The following RANBP2 variants were observed in gnomAD, a reference collection of about 807,000 sequenced individuals.
The protein encoded by RANBP2 is RAN binding protein 2.
In RANBP2, 57 loss-of-function variants were observed where a neutral mutation model predicts 303.6. The observed-to-expected ratio is 0.19, with a 90% CI of 0.15 to 0.23. RANBP2 has a LOEUF of 0.23. Among genes scored for constraint, RANBP2 ranks in the 10% least tolerant of loss-of-function variants. The pLI is 1.00. For synonymous variants in RANBP2, 1,167 were observed against 1,301.5 expected, an observed-to-expected ratio of 0.90 and a Z score of 2.23; for missense variants, 3,138 against 3,780.8, an observed-to-expected ratio of 0.83 and a Z score of 4.46.
the RANBP2 span, among the ~76,000 whole-genome samples, chr2:108,953,955 A>C: frequency 6.6e-6 from 1 of 152,224 alleles, no homozygotes; most frequent in Non-Finnish European, 1.5e-5. Context: ...ACTAAAGATT[A>C]CCAAGATCCT....
chr2:109,623,117 A>C, the RANBP2 span, among the ~76,000 whole-genome samples: 1 of 152,116 alleles, frequency 6.6e-6, no homozygotes, highest in Non-Finnish European at 1.5e-5. Flanking sequence ...ACAGAGTGAA[A>C]CTCTGTCTCA....
the RANBP2 span, among the ~76,000 whole-genome samples, chr2:109,455,053 A>G: frequency 6.6e-6 from 1 of 152,208 alleles, no homozygotes; most frequent in Non-Finnish European, 1.5e-5. Flanking sequence ...GATGTTCCTG[A>G]GGCTCAGAGA....
chr2:109,492,408 G>A, the RANBP2 span, among the ~76,000 whole-genome samples: 3 of 152,142 alleles, frequency 2.0e-5, no homozygotes, highest in African/African-American at 7.2e-5. Flanking sequence ...CTGCTAACCA[G>A]TGAGAACGGA....
At chr2:109,762,370 A>G in the RANBP2 span, among the ~76,000 whole-genome samples, 1 of 150,390 alleles carries the variant, frequency 6.6e-6, no homozygotes, top group African/African-American at 2.4e-5. Flanking sequence ...ATAGCTTTCC[A>G]GATAGCAACT....
At chr2:108,911,042 G>A in the RANBP2 span, 10 of 1,614,080 alleles carry the variant, frequency 6.2e-6, no homozygotes, top group East Asian at 2.0e-4. Flanking sequence ...AATGATCAGG[G>A]CAGTGGCCAG....
the RANBP2 span, among the ~76,000 whole-genome samples, chr2:109,540,662 GA>G: frequency 0.017 from 2,293 of 137,116 alleles, 43 homozygotes; most frequent in African/African-American, 0.046. Context: ...ACCAAAAAAG[GA>G]AAAAAAAAAA....
the RANBP2 span, among the ~76,000 whole-genome samples, chr2:108,956,190 A>G: frequency 6.7e-4 from 102 of 152,306 alleles, 1 homozygote; most frequent in Non-Finnish European, 1.2e-3. Context: ...AAATCAACCA[A>G]TCCCCTAATA....
At chr2:108,893,377 C>G in the RANBP2 span, among the ~76,000 whole-genome samples, 1 of 152,076 alleles carries the variant, frequency 6.6e-6, no homozygotes, top group African/African-American at 2.4e-5. Context: ...TCCAAACTTC[C>G]CATTTGTTCA....
chr2:109,318,168 C>T, the RANBP2 span, among the ~76,000 whole-genome samples: 1 of 151,666 alleles, frequency 6.6e-6, no homozygotes, highest in African/African-American at 2.4e-5. Flanking sequence ...AAATCCTTGC[C>T]TAATTTCAGA....
At chr2:108,762,788 A>G (rs531161203) in intron 19 of RANBP2, among the ~76,000 whole-genome samples, 10 of 149,188 alleles carry the variant, frequency 6.7e-5, no homozygotes, top group Non-Finnish European at 1.2e-4. Context: ...TAAATGCTCA[A>G]TAAATGTTAC....
chr2:109,496,008 C>G, the RANBP2 span, among the ~76,000 whole-genome samples: 1 of 152,194 alleles, frequency 6.6e-6, no homozygotes, highest in Non-Finnish European at 1.5e-5. Context: ...CAGACCTTCG[C>G]GGTGAAGAGC....
At chr2:109,351,731 A>G in the RANBP2 span, among the ~76,000 whole-genome samples, 4 of 152,180 alleles carry the variant, frequency 2.6e-5, no homozygotes, top group Non-Finnish European at 4.4e-5. Flanking sequence ...GGCTTGCCAT[A>G]TCAGCCCTAA....
At chr2:108,856,049 G>T in the RANBP2 span, among the ~76,000 whole-genome samples, 1 of 152,156 alleles carries the variant, frequency 6.6e-6, no homozygotes, top group Non-Finnish European at 1.5e-5. Flanking sequence ...TAGGGACTTG[G>T]GTTGTGTAGT....
the RANBP2 span, among the ~76,000 whole-genome samples, chr2:108,826,414 A>T: frequency 1.3e-5 from 2 of 152,074 alleles, no homozygotes; most frequent in African/African-American, 4.8e-5. Flanking sequence ...CCTTTGATGC[A>T]TTTTGAGTTA....
At chr2:109,573,862 T>A in the RANBP2 span, among the ~76,000 whole-genome samples, 2 of 152,216 alleles carry the variant, frequency 1.3e-5, no homozygotes, top group Non-Finnish European at 2.9e-5. Flanking sequence ...AAATAGGTTT[T>A]CTCAGTATGG....
the RANBP2 span, among the ~76,000 whole-genome samples, chr2:109,335,352 G>GT: frequency 6.6e-6 from 1 of 152,166 alleles, no homozygotes; most frequent in African/African-American, 2.4e-5. Flanking sequence ...TCTCAATGGC[G>GT]TTTATTTCCT....
At chr2:109,386,276 C>T in the RANBP2 span, among the ~76,000 whole-genome samples, 3 of 152,318 alleles carry the variant, frequency 2.0e-5, no homozygotes, top group East Asian at 5.8e-4. Context: ...TCTCCCTATC[C>T]GTTAGAGACG....
chr2:109,714,262 G>C, the RANBP2 span, among the ~76,000 whole-genome samples: 1 of 152,008 alleles, frequency 6.6e-6, no homozygotes, highest in Non-Finnish European at 1.5e-5. Context: ...ATTTGTGTGT[G>C]TGTGTGTGTG....
chr2:109,158,795 G>T, the RANBP2 span, among the ~76,000 whole-genome samples: 1 of 152,216 alleles, frequency 6.6e-6, no homozygotes, highest in Non-Finnish European at 1.5e-5. Context: ...TGATTCCCGA[G>T]TGTGCACTCT....
Sources: gnomAD v4.1 joint callset for allele counts (sites outside exome capture counted in the v4.1 genomes callset) on GRCh38, gnomAD v4.1.1 for gene constraint, MANE v1.5 for transcripts, NCBI Gene and HGNC (gene_info 2026-07-23, HGNC 2026-07-21) for gene names.